ACSL5: variants seen among roughly 807,000 people sequenced by gnomAD.
The protein encoded by ACSL5 is long-chain-fatty-acid--CoA ligase 5.
A neutral mutation model predicts 84.9 loss-of-function variants in ACSL5; 50 were observed. The observed-to-expected ratio is 0.59, with a 90% confidence interval of 0.47 to 0.75. ACSL5 has a LOEUF of 0.75. ACSL5 is among the 30% of genes least tolerant of loss of function. ACSL5 has a pLI of 0.00. For missense variants in ACSL5, 775 were observed against 830.4 expected (o/e 0.93, Z 0.82); for synonymous variants, 280 against 300.7 (o/e 0.93, Z 0.71).
In ACSL5 at chr10:112,376,329, C is replaced by T. The variant is rs1485341339; in HGVS notation, c.-30+2060C>T. On this transcript the variant is annotated intron_variant, in intron 1 of 20. Transcript: ENST00000354655. The stretch of plus-strand genomic sequence containing the variant: ...GCCTGCATGGACGCTCTGAAGCCAC[C>T]CTGTCTCTGGAGGAACCACGAGCGA... 2.5e-6 allele frequency: 4 copies of T among 1,614,172 alleles called. No individual in the cohort carries two copies. In the East Asian group the frequency reaches 8.9e-5, roughly 36 times the overall value.
At chr10:112,416,132 G>A (rs1844307337) in intron 12 of ACSL5, among the ~76,000 whole-genome samples, 2 of 152,108 alleles carry the variant, frequency 1.3e-5, no homozygotes, top group African/African-American at 4.8e-5. Flanking sequence ...AGTTATATAA[G>A]CATTACAGAG....
At chr10:112,413,367 A>G in intron 12 of ACSL5, 60 bp downstream of exon 12, 1 of 1,588,444 alleles carries the variant, frequency 6.3e-7, no homozygotes. Context: ...GGAACTCTGT[A>G]CTACTATGAG....
chr10:112,410,711 C>A, intron 9 of ACSL5, 76 bp downstream of exon 9: 1 of 1,452,426 alleles, frequency 6.9e-7, no homozygotes, highest in Non-Finnish European at 9.5e-7. Flanking sequence ...CACTGGTAGG[C>A]TGGTAAATAC....
At chr10:112,425,812 G>C (rs896390548) in intron 18 of ACSL5, among the ~76,000 whole-genome samples, 2 of 152,048 alleles carry the variant, frequency 1.3e-5, no homozygotes, top group Non-Finnish European at 2.9e-5. Context: ...AGAGCAGTAT[G>C]TATAAAACAA....
intron 1 of ACSL5, among the ~76,000 whole-genome samples, chr10:112,392,730 G>A (rs1234235845): frequency 7.2e-6 from 1 of 139,546 alleles, no homozygotes; most frequent in Non-Finnish European, 1.5e-5. Flanking sequence ...GACAGAGCGA[G>A]ATTCTGTCTC....
intron 1 of ACSL5, chr10:112,376,257 A>G (rs903288191): frequency 6.2e-7 from 1 of 1,608,538 alleles, no homozygotes; most frequent in African/African-American, 1.3e-5. Flanking sequence ...CTGACTCGGG[A>G]CAGCTCAGAG....
At chr10:112,423,769 A>C (rs1329107030) in intron 17 of ACSL5, among the ~76,000 whole-genome samples, 1 of 152,142 alleles carries the variant, frequency 6.6e-6, no homozygotes, top group Non-Finnish European at 1.5e-5. Flanking sequence ...TCTCTAGGAA[A>C]GGGGAAGGGA....
At chr10:112,401,991 G>C (rs1213409429) in intron 3 of ACSL5, among the ~76,000 whole-genome samples, 1 of 138,094 alleles carries the variant, frequency 7.2e-6, no homozygotes, top group African/African-American at 2.7e-5. Flanking sequence ...CTTTCTTCAG[G>C]GTCTGGCTCT....
intron 11 of ACSL5, among the ~76,000 whole-genome samples, chr10:112,412,881 TGGAGTCTGGGG>T (rs1237694782): frequency 1.7e-5 from 2 of 118,724 alleles, no homozygotes; most frequent in Non-Finnish European, 3.9e-5. Flanking sequence ...AGACCTGTGG[TGGAGTCTGGGG>T]GACCACACAG....
intron 12 of ACSL5, 82 bp downstream of exon 12, chr10:112,413,389 C>A: frequency 6.7e-7 from 1 of 1,489,552 alleles, no homozygotes; most frequent in Non-Finnish European, 9.3e-7. Flanking sequence ...TTTACTCCAC[C>A]TCTACCTCCA....
At chr10:112,396,822 ACAG>A (rs1371470329) in intron 2 of ACSL5, among the ~76,000 whole-genome samples, 1 of 152,186 alleles carries the variant, frequency 6.6e-6, no homozygotes, top group Non-Finnish European at 1.5e-5. Flanking sequence ...ACTTAAACAG[ACAG>A]CAAGACCCTG....
chr10:112,399,809 A>T (rs996477559), intron 3 of ACSL5, among the ~76,000 whole-genome samples: 8 of 152,176 alleles, frequency 5.3e-5, no homozygotes, highest in African/African-American at 1.9e-4. Context: ...ATATTACTTC[A>T]TCTTCCCTAA....
At chr10:112,379,948 G>C (rs753946998) in intron 1 of ACSL5, among the ~76,000 whole-genome samples, 1 of 152,148 alleles carries the variant, frequency 6.6e-6, no homozygotes, top group African/African-American at 2.4e-5. Flanking sequence ...CCTCACCCTG[G>C]CACAGGTGAC....
chr10:112,394,936 T>C lies in ACSL5; in HGVS notation c.-11T>C. 6.2e-7 allele frequency: 1 copy of C among 1,613,486 alleles called. No individual in the cohort carries two copies. Among genetic ancestry groups the C allele is most frequent in the Non-Finnish European group, 8.5e-7 (1 of 1,180,012 alleles). On this transcript the variant is annotated 5_prime_UTR_variant, in exon 2 of 21. Transcript: ENST00000354655. ...TTTTAAGGTCTGAATTTCCTGCTGC[T>C]GTTCACAAAGATGCTTTTTATCTTT...
At chr10:112,379,120 G>C (rs551732190) in intron 1 of ACSL5, among the ~76,000 whole-genome samples, 5 of 152,176 alleles carry the variant, frequency 3.3e-5, no homozygotes, top group Non-Finnish European at 5.9e-5. Flanking sequence ...ATGAGGGCTT[G>C]TTGGCCGGGC....
chr10:112,422,132 G>T, intron 16 of ACSL5, 97 bp downstream of exon 16: 2 of 1,375,814 alleles, frequency 1.5e-6, no homozygotes, highest in Non-Finnish European at 2.1e-6. Context: ...TGGCCCCTTT[G>T]AGATTGTTAG....
chr10:112,401,794 T>TTCTC (rs1843902158), intron 3 of ACSL5, among the ~76,000 whole-genome samples: 1 of 76,720 alleles, frequency 1.3e-5, no homozygotes, highest in African/African-American at 5.6e-5. Context: ...TTCTCTTTCT[T>TTCTC]TCTTTCTTTC....
In ACSL5 at chr10:112,417,843, C is replaced by A; in HGVS notation, c.1219-3C>A. The A allele has an allele frequency of 1.2e-6, 2 of 1,613,812 alleles. No individual in the cohort carries two copies. The highest frequency in any genetic ancestry group is 1.7e-6 in the Non-Finnish European group (2 of 1,179,758). Reference sequence around the variant, plus strand: ...TAGTATGTCTTTTGTTTCCACTGAACAGGACAGCCTGGGCGGAAGGGTTCG... The same window carrying A: ...TAGTATGTCTTTTGTTTCCACTGAAAAGGACAGCCTGGGCGGAAGGGTTCG... On this transcript the variant is annotated splice_polypyrimidine_tract_variant and splice_region_variant and intron_variant, in intron 13 of 20. Transcript: ENST00000354655.
Position 112,421,939 on chromosome 10 carries a change from T to A in ACSL5, c.1388-8T>A. On this transcript the variant is annotated splice_polypyrimidine_tract_variant and splice_region_variant and intron_variant, in intron 15 of 20. Transcript: ENST00000354655. The stretch of plus-strand genomic sequence containing the variant: ...GTTTCTCAGCTAATTCAGCACGGTA[T>A]GTTCTAGGTCACGTTGGGGTGCCCC... 6.2e-7 allele frequency: 1 copy of A among 1,613,916 alleles called. No homozygotes were observed. The highest frequency in any genetic ancestry group is 8.5e-7 in the Non-Finnish European group (1 of 1,179,776).
Sources: gnomAD v4.1 joint callset for allele counts (sites outside exome capture counted in the v4.1 genomes callset) on GRCh38, gnomAD v4.1.1 for gene constraint, MANE v1.5 for transcripts, NCBI Gene and HGNC (gene_info 2026-07-23, HGNC 2026-07-21) for gene names.